AGBL1: variants seen among roughly 807,000 people sequenced by gnomAD.
AGBL1 encodes cytosolic carboxypeptidase 4.
In AGBL1, 130 loss-of-function variants were observed where a neutral mutation model predicts 118.9. The ratio of observed to expected loss-of-function variants is 1.09; its 90% CI spans 0.95 to 1.26. AGBL1 has a LOEUF of 1.26. Ranked by LOEUF, AGBL1 falls within the 50% of genes most tolerant of loss-of-function variation. The probability of loss-of-function intolerance (pLI) is 0.00; values close to 1 mark genes in which losing one functional copy is unlikely to be tolerated. For synonymous variants in AGBL1, 555 were observed against 478.9 expected (o/e 1.16, Z -2.08); for missense variants, 1,584 against 1,298.1 (o/e 1.22, Z -3.38).
intron 19 of AGBL1, among the ~76,000 whole-genome samples, chr15:86,540,284 T>C (rs2083476593): frequency 6.6e-6 from 1 of 152,134 alleles, no homozygotes; most frequent in Non-Finnish European, 1.5e-5. Context: ...GTTGAATCAA[T>C]TGATAAACAA....
chr15:86,680,569 T>C lies in AGBL1; in HGVS notation c.3158+6133T>C, dbSNP rs1242993668. Among the ~76,000 whole-genome samples the C allele has an allele frequency of 2.9e-5, 4 of 137,994 alleles. No individual in the cohort carries two copies. The East Asian group carries it at 6.2e-4, about 21-fold the overall frequency. 90.5% of individuals were successfully genotyped at this position (137,994 alleles called of 152,430 possible). A position where few individuals can be genotyped will look rare whatever the true frequency, so the allele number is the denominator to read the frequency against. On this transcript the variant is annotated intron_variant, in intron 22 of 22. Transcript: ENST00000614907. ...TTTTCTTTCTTTCTTTCTTTTCTTT[T>C]TTTTTTTTTTTTTTTTGAGATGGGG... is the stretch of plus-strand genomic sequence containing the variant.
intron 18 of AGBL1, among the ~76,000 whole-genome samples, chr15:86,484,464 A>C (rs1023036585): frequency 1.3e-5 from 2 of 152,116 alleles, no homozygotes; most frequent in Non-Finnish European, 2.9e-5. Context: ...TATTTTCCCA[A>C]ATTGAAAATG....
chr15:86,212,501 T>G (rs974788706), intron 5 of AGBL1, among the ~76,000 whole-genome samples: 4 of 152,182 alleles, frequency 2.6e-5, no homozygotes, highest in African/African-American at 9.6e-5. Flanking sequence ...GAAATTCCCT[T>G]TCAACCTTGG....
At chr15:87,001,413 G>A (rs553205715) in intron 24 of AGBL1, among the ~76,000 whole-genome samples, 46 of 152,054 alleles carry the variant, frequency 3.0e-4, no homozygotes, top group Admixed American at 2.6e-3. Context: ...CCAAGTCTTC[G>A]CTATTGTGAG....
chr15:86,560,735 A>G (rs969214286), intron 21 of AGBL1, among the ~76,000 whole-genome samples: 1 of 152,178 alleles, frequency 6.6e-6, no homozygotes, highest in Non-Finnish European at 1.5e-5. Context: ...ACAATGGTTG[A>G]ACCAGTTTAC....
chr15:86,419,750 C>T (rs1487464660), intron 18 of AGBL1, among the ~76,000 whole-genome samples: 4 of 152,154 alleles, frequency 2.6e-5, no homozygotes, highest in South Asian at 4.1e-4. Flanking sequence ...AGTCTGAAGT[C>T]GACCTGGGAT....
intron 19 of AGBL1, among the ~76,000 whole-genome samples, chr15:86,532,793 C>G (rs1252408660): frequency 1.6e-5 from 2 of 122,604 alleles, no homozygotes; most frequent in African/African-American, 6.5e-5. Flanking sequence ...ACAGAGCCCT[C>G]AGAAATAACG....
Position 86,975,248 on chromosome 15 carries a change from G to A in AGBL1, c.3222-12739G>A, listed in dbSNP as rs139699361. 2.2e-3 allele frequency among the ~76,000 whole-genome samples: 331 copies of A among 152,154 alleles called. 2 individuals are homozygous for A. The highest frequency in any genetic ancestry group is 7.6e-3 in the African/African-American group (315 of 41,516). Reference sequence around the variant, plus strand: ...GTTTAATTGACTCACTGTTCCACATGGCTGGGGAGGTGTCACAACCATGGC... The same window carrying A: ...GTTTAATTGACTCACTGTTCCACATAGCTGGGGAGGTGTCACAACCATGGC... On this transcript the variant is annotated intron_variant, in intron 23 of 24. Transcript: ENST00000441037.
intron 12 of AGBL1, among the ~76,000 whole-genome samples, chr15:86,266,682 C>T (rs1333005256): frequency 2.6e-5 from 4 of 152,210 alleles, no homozygotes; most frequent in Non-Finnish European, 5.9e-5. Context: ...GCAGGTGGAT[C>T]GTGAGTTCAG....
At chr15:86,671,270 A>G (rs2085741668) in intron 21 of AGBL1, among the ~76,000 whole-genome samples, 1 of 152,066 alleles carries the variant, frequency 6.6e-6, no homozygotes, top group Admixed American at 6.5e-5. Context: ...TCAGATTTAA[A>G]CAAACAAACA....
intron 24 of AGBL1, among the ~76,000 whole-genome samples, chr15:87,020,614 A>G (rs929560227): frequency 6.6e-6 from 1 of 152,148 alleles, no homozygotes; most frequent in African/African-American, 2.4e-5. Flanking sequence ...ATCTCCACCC[A>G]AAAGCTTCTT....
At chr15:86,466,928 C>A (rs1283304508) in intron 18 of AGBL1, among the ~76,000 whole-genome samples, 1 of 152,160 alleles carries the variant, frequency 6.6e-6, no homozygotes, top group Non-Finnish European at 1.5e-5. Context: ...TGAAGTGTCT[C>A]CCCATCTGGA....
intron 21 of AGBL1, among the ~76,000 whole-genome samples, 194 bp from the exon 22 acceptor site, chr15:86,674,079 C>T (rs1026822646): frequency 6.6e-5 from 10 of 152,144 alleles, no homozygotes; most frequent in Non-Finnish European, 1.0e-4. Flanking sequence ...CCCTGGATGT[C>T]GACATCACAC....
chr15:86,956,109 C>A (rs2080927666), intron 23 of AGBL1, among the ~76,000 whole-genome samples: 1 of 151,848 alleles, frequency 6.6e-6, no homozygotes, highest in Non-Finnish European at 1.5e-5. Flanking sequence ...TTAATGGGTC[C>A]ATTAACTAGG....
rs80101200 is a variant in AGBL1, at chr15:86,948,999, G to A, written c.3222-38988G>A. Among the ~76,000 whole-genome samples, 25 of 152,248 alleles carry A rather than the reference G, an allele frequency of 1.6e-4. 1 individual carries two copies. The East Asian group carries it at 3.1e-3, about 19-fold the overall frequency. On this transcript the variant is annotated intron_variant, in intron 23 of 24. Coordinates refer to the AGBL1 transcript ENST00000441037. ...ACAGTGGAACTGAATAGTAGTGACA[G>A]GAACTGTGTGGTCCATACAGCCTAC...
intron 18 of AGBL1, among the ~76,000 whole-genome samples, chr15:86,472,360 G>T (rs1422097883): frequency 6.6e-6 from 1 of 152,178 alleles, no homozygotes. Flanking sequence ...CTTAGGCTAA[G>T]ATATCCTCTC....
intron 5 of AGBL1, among the ~76,000 whole-genome samples, chr15:86,185,508 A>G (rs552472747): frequency 2.0e-5 from 3 of 152,294 alleles, no homozygotes; most frequent in South Asian, 2.1e-4. Flanking sequence ...AACCAACCCA[A>G]ATGTCCATCA....
At chr15:86,506,499 C>A (rs1471131923) in intron 18 of AGBL1, among the ~76,000 whole-genome samples, 2 of 152,020 alleles carry the variant, frequency 1.3e-5, no homozygotes, top group Non-Finnish European at 2.9e-5. Flanking sequence ...CAAATAAGGA[C>A]CAGTGCTGCT....
chr15:86,367,479 G>A (rs1467181971), intron 17 of AGBL1, among the ~76,000 whole-genome samples: 1 of 152,052 alleles, frequency 6.6e-6, no homozygotes, highest in Non-Finnish European at 1.5e-5. Context: ...GGGGCAGGGT[G>A]GTGGTGGTGG....
Sources: gnomAD v4.1 joint callset for allele counts (sites outside exome capture counted in the v4.1 genomes callset) on GRCh38, gnomAD v4.1.1 for gene constraint, MANE v1.5 for transcripts, NCBI Gene and HGNC (gene_info 2026-07-23, HGNC 2026-07-21) for gene names.